The following KAT6B variants were observed in gnomAD, a reference collection of about 807,000 sequenced individuals.
The protein encoded by KAT6B is histone acetyltransferase KAT6B.
A neutral mutation model predicts 187.5 loss-of-function variants in KAT6B; 10 were observed. The ratio of observed to expected loss-of-function variants is 0.05; its 90% CI spans 0.03 to 0.09. The LOEUF (loss-of-function observed/expected upper bound fraction) is 0.09. Ranked by LOEUF, KAT6B falls within the 10% of genes least tolerant of loss-of-function variation. The pLI, the probability that KAT6B is intolerant of heterozygous loss-of-function variation, is 1.00. For synonymous variants in KAT6B, 861 were observed against 926.8 expected (o/e 0.93, Z 1.29); for missense variants, 1,952 against 2,558.9 (o/e 0.76, Z 5.12).
intron 1 of KAT6B, among the ~76,000 whole-genome samples, chr10:74,831,524 C>T (rs943939146): frequency 2.0e-5 from 3 of 152,110 alleles, no homozygotes; most frequent in Non-Finnish European, 2.9e-5. Flanking sequence ...TTTTTGCTTT[C>T]CTTCACTTTT....
intron 3 of KAT6B, among the ~76,000 whole-genome samples, chr10:74,943,338 A>G (rs1849834680): frequency 6.6e-6 from 1 of 152,218 alleles, no homozygotes; most frequent in Non-Finnish European, 1.5e-5. Flanking sequence ...AAGTAAATGG[A>G]GAAGTGTCCC....
intron 4 of KAT6B, among the ~76,000 whole-genome samples, chr10:74,966,463 T>C (rs555678209): frequency 7.6e-4 from 116 of 152,308 alleles, no homozygotes; most frequent in Non-Finnish European, 1.4e-3. Flanking sequence ...AGAGCCTGTG[T>C]TTTTTCTTCC....
intron 1 of KAT6B, among the ~76,000 whole-genome samples, chr10:74,835,956 A>G (rs1301834795): frequency 1.3e-5 from 2 of 152,194 alleles, no homozygotes; most frequent in Non-Finnish European, 2.9e-5. Context: ...TCCCAAATAA[A>G]ACCCCTTACC....
chr10:74,874,219 G>GTT (rs1844225493), intron 3 of KAT6B, among the ~76,000 whole-genome samples: 1 of 152,218 alleles, frequency 6.6e-6, no homozygotes. Context: ...AGGAACTTAT[G>GTT]TTATCACAGA....
upstream of KAT6B, among the ~76,000 whole-genome samples, chr10:74,825,862 G>T (rs901362417): frequency 2.0e-5 from 3 of 151,376 alleles, no homozygotes; most frequent in African/African-American, 7.3e-5. This position sits in a 1 kb window ranked among gnomAD's most constrained non-coding sequence, Gnocchi z 5.0. Context: ...CAGGGTAGGG[G>T]TGTGTTGGGG....
chr10:74,872,396 G>A (rs578120385), intron 3 of KAT6B, among the ~76,000 whole-genome samples: 10 of 152,186 alleles, frequency 6.6e-5, no homozygotes, highest in African/African-American at 9.6e-5. Context: ...TTTTTCTTTA[G>A]ACAGAGTCTC....
intron 4 of KAT6B, among the ~76,000 whole-genome samples, chr10:74,968,466 CA>C (rs1306098416): frequency 2.6e-5 from 4 of 151,776 alleles, no homozygotes; most frequent in Non-Finnish European, 5.9e-5. Flanking sequence ...TTCAAAAAGC[CA>C]AATCTCCTGG....
rs1467005463 is a variant in KAT6B, at chr10:74,842,754, G to C, written c.-104G>C. 4.0e-6 allele frequency: 5 copies of C among 1,246,692 alleles called. No homozygotes were observed. The African/African-American group carries it at 5.9e-5, about 15-fold the overall frequency. 77.2% of individuals were successfully genotyped at this position (1,246,692 alleles called of 1,614,324 possible). A position where few individuals can be genotyped will look rare whatever the true frequency, so the allele number is the denominator to read the frequency against. ...TGCTTAATACAGTCTGGAATACTCT[G>C]TCCATTTGTTGAATTGTAAATGACT... On this transcript the variant is annotated 5_prime_UTR_variant, in exon 3 of 18. Transcript: ENST00000287239.
intron 2 of KAT6B, among the ~76,000 whole-genome samples, chr10:74,839,986 G>A (rs1478232974): frequency 6.6e-6 from 1 of 152,228 alleles, no homozygotes; most frequent in Non-Finnish European, 1.5e-5. Context: ...TCTTTAGCAG[G>A]TTGGAAGATA....
At chr10:75,022,486 G>A (rs1353509707) in intron 16 of KAT6B, among the ~76,000 whole-genome samples, 1 of 152,136 alleles carries the variant, frequency 6.6e-6, no homozygotes, top group African/African-American at 2.4e-5. Context: ...GCCACCTGCT[G>A]GTCTGCAGGA....
At chr10:74,879,056 G>A (rs914712624) in intron 3 of KAT6B, among the ~76,000 whole-genome samples, 3 of 152,180 alleles carry the variant, frequency 2.0e-5, no homozygotes, top group Non-Finnish European at 2.9e-5. Context: ...GAGCTGAGCC[G>A]TACAACCATC....
At chr10:75,009,570 A>G (rs575989252) in intron 13 of KAT6B, among the ~76,000 whole-genome samples, 28 of 152,330 alleles carry the variant, frequency 1.8e-4, no homozygotes, top group African/African-American at 6.0e-4. Flanking sequence ...CCAGGGGCTT[A>G]GAGAAATGTG....
At chr10:74,957,433 C>T (rs571797594) in intron 3 of KAT6B, among the ~76,000 whole-genome samples, 1 of 152,132 alleles carries the variant, frequency 6.6e-6, no homozygotes, top group South Asian at 2.1e-4. Flanking sequence ...TTGGACAGAG[C>T]GCGGGACATC....
At chr10:74,846,624 A>G (rs1842120792) in intron 3 of KAT6B, among the ~76,000 whole-genome samples, 1 of 152,214 alleles carries the variant, frequency 6.6e-6, no homozygotes, top group Middle Eastern at 3.4e-3. Flanking sequence ...ATTTTAGTAG[A>G]GACGGGGTTT....
intron 3 of KAT6B, among the ~76,000 whole-genome samples, chr10:74,908,154 C>A (rs1485388028): frequency 1.3e-5 from 2 of 152,154 alleles, no homozygotes; most frequent in African/African-American, 4.8e-5. Context: ...CAGCTTCTTG[C>A]CATGTGATGC....
At chr10:74,927,618 G>A (rs1197927385) in intron 3 of KAT6B, among the ~76,000 whole-genome samples, 1 of 152,018 alleles carries the variant, frequency 6.6e-6, no homozygotes, top group Non-Finnish European at 1.5e-5. Flanking sequence ...AGGGCTCTGG[G>A]CTATCTCAGT....
At chr10:74,974,403 T>C (rs1020329707) in intron 7 of KAT6B, among the ~76,000 whole-genome samples, 41 of 152,244 alleles carry the variant, frequency 2.7e-4, no homozygotes, top group Admixed American at 1.8e-3. Flanking sequence ...TTGTCATTAT[T>C]CACCTTTAGC....
intron 13 of KAT6B, among the ~76,000 whole-genome samples, chr10:74,996,835 G>A (rs1843466108): frequency 6.6e-6 from 1 of 150,844 alleles, no homozygotes; most frequent in South Asian, 2.1e-4. Flanking sequence ...TCTTTGGATG[G>A]TCAAGGACAT....
At chr10:74,838,947 G>GT (rs1220979116) in intron 2 of KAT6B, among the ~76,000 whole-genome samples, 195 bp downstream of exon 2, 3 of 152,124 alleles carry the variant, frequency 2.0e-5, no homozygotes, top group African/African-American at 7.2e-5. Flanking sequence ...GAGATCAGGA[G>GT]TTTGAGTCCA....
Sources: gnomAD v4.1 joint callset for allele counts (sites outside exome capture counted in the v4.1 genomes callset) on GRCh38, gnomAD v4.1.1 for gene constraint, Gnocchi (gnomAD v3.1) non-coding constraint, MANE v1.5 for transcripts, NCBI Gene and HGNC (gene_info 2026-07-23, HGNC 2026-07-21) for gene names.